The following NBDY variants were observed in gnomAD, a reference collection of about 807,000 sequenced individuals.
The protein encoded by NBDY is negative regulator of P-body association, also known as P-body dissociating protein.
intron 2 of NBDY, among the ~76,000 whole-genome samples, chrX:56,757,495 G>C (rs771226362): frequency 9.0e-6 from 1 of 111,614 alleles, no homozygotes; most frequent in Non-Finnish European, 1.9e-5. Context: ...GTGAGCACTT[G>C]ACATCCGAAA....
intron 2 of NBDY, among the ~76,000 whole-genome samples, chrX:56,741,332 A>T (rs1471348477): frequency 9.0e-6 from 1 of 111,351 alleles, no homozygotes; most frequent in African/African-American, 3.3e-5. Flanking sequence ...GATAATACTG[A>T]TTTCCTTTGT....
chrX:56,788,499 C>T (rs1000879097), intron 2 of NBDY, among the ~76,000 whole-genome samples: 1 of 112,751 alleles, frequency 8.9e-6, no homozygotes, highest in African/African-American at 3.2e-5. Flanking sequence ...GGATGGTGCC[C>T]TGGCTCCACA....
chrX:56,802,737 G>A (rs1004865130), intron 2 of NBDY, among the ~76,000 whole-genome samples: 2 of 112,780 alleles, frequency 1.8e-5, no homozygotes, highest in Non-Finnish European at 3.8e-5. Context: ...CCATGATTAT[G>A]TATCATTTGT....
intron 2 of NBDY, among the ~76,000 whole-genome samples, chrX:56,815,019 G>T (rs182246141): frequency 1.8e-5 from 2 of 110,617 alleles, no homozygotes; most frequent in Admixed American, 1.9e-4. Flanking sequence ...ACTACACTGA[G>T]AAATTTATTC....
intron 2 of NBDY, chrX:56,737,409 T>C: frequency 1.6e-6 from 1 of 643,967 alleles, no homozygotes; most frequent in Non-Finnish European, 2.6e-6. Flanking sequence ...ATCCTGTCAT[T>C]ATAAAGGTTC....
At chrX:56,755,799 C>G (rs1174798390) in intron 2 of NBDY, among the ~76,000 whole-genome samples, 1 of 108,201 alleles carries the variant, frequency 9.2e-6, no homozygotes, top group East Asian at 2.9e-4. Flanking sequence ...GGGTATATAC[C>G]CAAAGGACTA....
At chrX:56,736,973 G>T (rs1359670951) in intron 2 of NBDY, among the ~76,000 whole-genome samples, 1 of 111,498 alleles carries the variant, frequency 9.0e-6, no homozygotes, top group African/African-American at 3.3e-5. Flanking sequence ...AAACTGATGG[G>T]CTATCCAACC....
At chrX:56,805,410 C>T (rs2069843907) in intron 2 of NBDY, among the ~76,000 whole-genome samples, 1 of 112,262 alleles carries the variant, frequency 8.9e-6, no homozygotes, top group African/African-American at 3.2e-5. Flanking sequence ...TATCCTCACC[C>T]ATAGTCACTC....
intron 2 of NBDY, among the ~76,000 whole-genome samples, chrX:56,801,998 A>T (rs2069825216): frequency 9.1e-6 from 1 of 109,787 alleles, no homozygotes; most frequent in Non-Finnish European, 1.9e-5. Flanking sequence ...ACACACACAC[A>T]CACACACACA....
chrX:56,739,240 A>ATATATATATATATATATATATATGTATG (rs2069516162), intron 2 of NBDY, among the ~76,000 whole-genome samples: 2 of 73,475 alleles, frequency 2.7e-5, no homozygotes, highest in African/African-American at 1.1e-4. Flanking sequence ...TTGTGTGTGT[A>ATATATATATATATATATATATATGTATG]TATATATATA....
chrX:56,739,201 GC>G (rs2146713608), intron 2 of NBDY, among the ~76,000 whole-genome samples: 2 of 90,236 alleles, frequency 2.2e-5, no homozygotes, highest in South Asian at 1.1e-3. Flanking sequence ...AGCCTAAAGT[GC>G]CCCAACATTA....
chrX:56,812,190 C>T (rs1376923968), intron 2 of NBDY, among the ~76,000 whole-genome samples: 3 of 105,510 alleles, frequency 2.8e-5, no homozygotes, highest in African/African-American at 6.9e-5. Flanking sequence ...GGAACTGCTC[C>T]TATTCCACCA....
chrX:56,811,803 T>G (rs1222684724), intron 2 of NBDY, among the ~76,000 whole-genome samples: 2 of 110,750 alleles, frequency 1.8e-5, no homozygotes, highest in African/African-American at 3.3e-5. Flanking sequence ...CACTGAGGCA[T>G]GAAAAAAAAA....
At chrX:56,758,170 C>T (rs998151033) in intron 2 of NBDY, among the ~76,000 whole-genome samples, 1 of 110,330 alleles carries the variant, frequency 9.1e-6, no homozygotes, top group African/African-American at 3.3e-5. Context: ...CCTATCTCTA[C>T]TAAAATTACA....
chrX:56,730,793 A>G (rs1327060912), intron 1 of NBDY, among the ~76,000 whole-genome samples: 1 of 111,641 alleles, frequency 9.0e-6, no homozygotes, highest in East Asian at 2.8e-4. Flanking sequence ...GTATTTTAAG[A>G]TTCCTATTCT....
intron 2 of NBDY, among the ~76,000 whole-genome samples, chrX:56,795,385 C>A (rs1197222733): frequency 2.7e-5 from 3 of 111,752 alleles, no homozygotes; most frequent in African/African-American, 9.8e-5. Context: ...CTGACGTGGT[C>A]CATCATACAA....
At chrX:56,748,939 A>C (rs1448358167) in intron 2 of NBDY, among the ~76,000 whole-genome samples, 3 of 106,537 alleles carry the variant, frequency 2.8e-5, no homozygotes, top group Non-Finnish European at 5.8e-5. Flanking sequence ...AGGGAGTATT[A>C]AAAAATAATG....
chrX:56,751,331 A>C (rs1328941007), intron 2 of NBDY, among the ~76,000 whole-genome samples: 1 of 111,591 alleles, frequency 9.0e-6, no homozygotes, highest in Non-Finnish European at 1.9e-5. Context: ...AGCCTCTAAA[A>C]ATAATTGCTT....
At chrX:56,748,278 G>C (rs1443508773) in intron 2 of NBDY, among the ~76,000 whole-genome samples, 1 of 111,517 alleles carries the variant, frequency 9.0e-6, no homozygotes, top group African/African-American at 3.3e-5. Flanking sequence ...AAGGGAAACA[G>C]AATAATAGAG....
Sources: allele counts gnomAD v4.1 joint callset (sites outside exome capture counted in the v4.1 genomes callset), GRCh38; gene constraint gnomAD v4.1.1; transcripts MANE v1.5; gene names NCBI Gene and HGNC (gene_info 2026-07-23, HGNC 2026-07-21).